The following SPOCK1 variants were observed in gnomAD, a reference collection of about 807,000 sequenced individuals.
SPOCK1 encodes SPARC (osteonectin), cwcv and kazal like domains proteoglycan 1.
In SPOCK1, 23 loss-of-function variants were observed where a neutral mutation model predicts 55.3. The observed-to-expected ratio is 0.42, with a 90% CI of 0.30 to 0.59. SPOCK1 has a LOEUF of 0.59. SPOCK1 is among the 20% of genes least tolerant of loss of function. The pLI is 0.22. For synonymous variants in SPOCK1, 226 were observed against 221.0 expected (o/e 1.02, Z -0.20); for missense variants, 499 against 552.5 (o/e 0.90, Z 0.97).
intron 3 of SPOCK1, among the ~76,000 whole-genome samples, chr5:137,241,453 T>A (rs1461303013): frequency 6.6e-6 from 1 of 152,180 alleles, no homozygotes; most frequent in Non-Finnish European, 1.5e-5. Flanking sequence ...CAAGGCTGGT[T>A]GGAAACAATT....
chr5:137,476,036 T>G (rs866515183), intron 2 of SPOCK1, among the ~76,000 whole-genome samples: 2 of 19,028 alleles, frequency 1.1e-4, no homozygotes, highest in South Asian at 9.1e-4. Flanking sequence ...AATTATAGGT[T>G]TTTTTTTTTT....
chr5:137,131,639 G>T (rs1369625712), intron 4 of SPOCK1, among the ~76,000 whole-genome samples: 2 of 149,122 alleles, frequency 1.3e-5, no homozygotes, highest in Non-Finnish European at 1.5e-5. Flanking sequence ...CGACATCTTT[G>T]TGAGGAGGCC....
intron 3 of SPOCK1, among the ~76,000 whole-genome samples, chr5:137,258,655 G>C (rs999387216): frequency 2.0e-5 from 3 of 152,176 alleles, no homozygotes; most frequent in African/African-American, 7.2e-5. Flanking sequence ...GTTCTAGCAG[G>C]TGGATTAACA....
intron 3 of SPOCK1, among the ~76,000 whole-genome samples, chr5:137,257,901 G>A (rs897439095): frequency 1.3e-5 from 2 of 152,090 alleles, no homozygotes; most frequent in African/African-American, 4.8e-5. Context: ...TAGACCACAA[G>A]CCCCCTGAGG....
chr5:137,085,975 C>T (rs1266036027), intron 5 of SPOCK1, among the ~76,000 whole-genome samples: 4 of 152,164 alleles, frequency 2.6e-5, no homozygotes, highest in Non-Finnish European at 5.9e-5. Context: ...GTTGAGTCCT[C>T]GTTCTCCCAT....
chr5:137,188,442 T>C (rs1755114618), intron 3 of SPOCK1, among the ~76,000 whole-genome samples: 1 of 152,222 alleles, frequency 6.6e-6, no homozygotes, highest in Non-Finnish European at 1.5e-5. Flanking sequence ...TTAAACTTTG[T>C]CATTATCATT....
intron 9 of SPOCK1, among the ~76,000 whole-genome samples, chr5:136,984,497 G>A (rs2126959708): frequency 6.6e-6 from 1 of 152,232 alleles, no homozygotes; most frequent in African/African-American, 2.4e-5. Context: ...GTGTTTCTAT[G>A]ACAAATGCCA....
At chr5:137,173,754 C>A (rs555351337) in intron 3 of SPOCK1, among the ~76,000 whole-genome samples, 9 of 152,266 alleles carry the variant, frequency 5.9e-5, no homozygotes, top group African/African-American at 2.2e-4. Context: ...AATATCTTTG[C>A]ATTTATCAAA....
chr5:137,316,154 G>A (rs891071339), intron 2 of SPOCK1, among the ~76,000 whole-genome samples: 1 of 152,244 alleles, frequency 6.6e-6, no homozygotes, highest in African/African-American at 2.4e-5. Context: ...CCAAAGGGGA[G>A]GAACACTGTG....
chr5:137,129,559 C>T (rs1411289075), intron 4 of SPOCK1, among the ~76,000 whole-genome samples: 1 of 152,038 alleles, frequency 6.6e-6, no homozygotes, highest in African/African-American at 2.4e-5. Context: ...GGGATAAAAT[C>T]ATAGGGCTGT....
At chr5:137,160,522 TA>T (rs1397493249) in intron 3 of SPOCK1, among the ~76,000 whole-genome samples, 1 of 82,672 alleles carries the variant, frequency 1.2e-5, no homozygotes, top group Admixed American at 2.0e-4. Context: ...CATATATATA[TA>T]ATATATAAAA....
intron 6 of SPOCK1, among the ~76,000 whole-genome samples, chr5:136,999,310 T>C (rs1021230091): frequency 5.3e-5 from 8 of 152,116 alleles, no homozygotes; most frequent in Non-Finnish European, 1.0e-4. Flanking sequence ...CAGTAGTCTT[T>C]GGAGGAAAGA....
intron 6 of SPOCK1, among the ~76,000 whole-genome samples, chr5:137,041,960 A>G (rs1752008841): frequency 6.6e-6 from 1 of 152,214 alleles, no homozygotes; most frequent in South Asian, 2.1e-4. Flanking sequence ...TATTTACCCA[A>G]CTGATTTGAA....
In SPOCK1 at chr5:137,386,183, A is replaced by C. The variant is rs1274440474; in HGVS notation, c.186+112190T>G. Among the ~76,000 whole-genome samples, 3 of 152,234 alleles carry C rather than the reference A, an allele frequency of 2.0e-5. No homozygotes were observed. In the East Asian group the frequency reaches 5.8e-4, roughly 29 times the overall value. On this transcript the variant is annotated intron_variant, in intron 2 of 10. Coordinates refer to ENST00000394945, the MANE Select transcript of SPOCK1 (RefSeq NM_004598.4). ...AGTATAAATCTTAAAAAAGTACAAG[A>C]TCTATATGAGGAAAACTACAAAACT...
intron 2 of SPOCK1, among the ~76,000 whole-genome samples, chr5:137,446,244 C>T (rs1013640373): frequency 1.3e-5 from 2 of 152,138 alleles, no homozygotes; most frequent in African/African-American, 4.8e-5. Context: ...CACCCAAAGA[C>T]TTTTTTCCTG....
chr5:137,029,045 C>G (rs1751729922), intron 6 of SPOCK1, among the ~76,000 whole-genome samples: 1 of 152,124 alleles, frequency 6.6e-6, no homozygotes, highest in South Asian at 2.1e-4. Context: ...TCCCCTTGCT[C>G]TAATTCCCAG....
At chr5:137,496,565 C>A (rs907384205) in intron 2 of SPOCK1, among the ~76,000 whole-genome samples, 1 of 152,198 alleles carries the variant, frequency 6.6e-6, no homozygotes, top group African/African-American at 2.4e-5. Context: ...TCAATTCTTC[C>A]ACCTCTAGCA....
intron 3 of SPOCK1, among the ~76,000 whole-genome samples, chr5:137,168,829 T>A (rs1265519570): frequency 1.3e-5 from 2 of 152,154 alleles, no homozygotes; most frequent in Non-Finnish European, 2.9e-5. Flanking sequence ...AGCTACACTA[T>A]TATCCAGCAA....
At chr5:137,238,401 T>G (rs1756222188) in intron 3 of SPOCK1, among the ~76,000 whole-genome samples, 1 of 152,218 alleles carries the variant, frequency 6.6e-6, no homozygotes, top group South Asian at 2.1e-4. Context: ...AATGTGAAAT[T>G]ATTTAGAAAA....
Sources: gnomAD v4.1 joint callset for allele counts (sites outside exome capture counted in the v4.1 genomes callset) on GRCh38, gnomAD v4.1.1 for gene constraint, MANE v1.5 for transcripts, NCBI Gene and HGNC (gene_info 2026-07-23, HGNC 2026-07-21) for gene names.